STXBP6: variants seen among roughly 807,000 people sequenced by gnomAD.
STXBP6 encodes the protein syntaxin-binding protein 6.
STXBP6 carries 21 observed loss-of-function variants against 26.9 expected under a neutral mutation model. The observed-to-expected ratio is 0.78, with a 90% confidence interval of 0.55 to 1.12. The LOEUF (loss-of-function observed/expected upper bound fraction) is 1.12. Ranked by LOEUF, STXBP6 falls within the 50% of genes most tolerant of loss-of-function variation. The probability of loss-of-function intolerance (pLI) is 0.00; values close to 1 mark genes in which losing one functional copy is unlikely to be tolerated. For missense variants in STXBP6, 232 were observed against 257.9 expected (o/e 0.90, Z 0.69); for synonymous variants, 97 against 92.6 (o/e 1.05, Z -0.27).
chr14:24,900,559 T>C (rs2071174232), intron 2 of STXBP6, among the ~76,000 whole-genome samples: 1 of 151,848 alleles, frequency 6.6e-6, no homozygotes, highest in Non-Finnish European at 1.5e-5. Context: ...GGGAGAGAAA[T>C]GTTGGGAAAG....
intron 2 of STXBP6, among the ~76,000 whole-genome samples, chr14:24,881,132 T>C (rs927752884): frequency 4.6e-5 from 7 of 152,110 alleles, no homozygotes; most frequent in Non-Finnish European, 7.4e-5. Flanking sequence ...TTTTTTTTTT[T>C]CTACAAATCT....
intron 2 of STXBP6, among the ~76,000 whole-genome samples, chr14:24,928,367 C>G (rs538682140): frequency 1.3e-5 from 2 of 150,616 alleles, no homozygotes; most frequent in African/African-American, 2.5e-5. Context: ...AACCAAGCAT[C>G]CTTGGTTTGT....
chr14:24,943,993 G>T (rs56131804), intron 2 of STXBP6, among the ~76,000 whole-genome samples: 2 of 151,624 alleles, frequency 1.3e-5, no homozygotes, highest in Non-Finnish European at 2.9e-5. Flanking sequence ...CTCCCCAAAA[G>T]TTTTAAACAG....
At chr14:24,908,419 C>A (rs2071457353) in intron 2 of STXBP6, among the ~76,000 whole-genome samples, 1 of 152,134 alleles carries the variant, frequency 6.6e-6, no homozygotes, top group South Asian at 2.1e-4. Flanking sequence ...GTAAAACATA[C>A]CATGGCATGT....
chr14:24,925,869 G>C (rs939849182), intron 2 of STXBP6, among the ~76,000 whole-genome samples: 1 of 152,112 alleles, frequency 6.6e-6, no homozygotes, highest in Non-Finnish European at 1.5e-5. Context: ...CCAACTTTCT[G>C]ATGTGCTCGG....
chr14:25,028,996 G>A (rs1403215940), intron 1 of STXBP6, among the ~76,000 whole-genome samples: 2 of 152,192 alleles, frequency 1.3e-5, no homozygotes, highest in Non-Finnish European at 2.9e-5. Flanking sequence ...GATAAAACTT[G>A]AATGAATGAG....
At chr14:24,912,249 A>G (rs773802644) in intron 2 of STXBP6, among the ~76,000 whole-genome samples, 3 of 152,168 alleles carry the variant, frequency 2.0e-5, no homozygotes, top group Non-Finnish European at 4.4e-5. Context: ...CCTTTAAAGC[A>G]GCCTCTTCCT....
At chr14:24,936,363 T>C (rs2072598000) in intron 2 of STXBP6, among the ~76,000 whole-genome samples, 1 of 152,210 alleles carries the variant, frequency 6.6e-6, no homozygotes, top group Admixed American at 6.5e-5. Context: ...GCATGCTCTT[T>C]GGATGCTGAG....
At chr14:24,941,359 G>A (rs945535057) in intron 2 of STXBP6, among the ~76,000 whole-genome samples, 1 of 152,204 alleles carries the variant, frequency 6.6e-6, no homozygotes, top group Admixed American at 6.5e-5. Context: ...GCCTCATGCA[G>A]GCCTCTGTGA....
chr14:24,941,936 G>A (rs1441297681), intron 2 of STXBP6, among the ~76,000 whole-genome samples: 2 of 152,242 alleles, frequency 1.3e-5, no homozygotes, highest in African/African-American at 4.8e-5. Flanking sequence ...AATGCCAACA[G>A]GCTGCCAGGT....
chr14:24,952,970 C>G (rs985368652), intron 2 of STXBP6, among the ~76,000 whole-genome samples: 12 of 152,162 alleles, frequency 7.9e-5, no homozygotes, highest in African/African-American at 2.9e-4. Context: ...GCTCACATTT[C>G]TATTGTGTTT....
intron 2 of STXBP6, among the ~76,000 whole-genome samples, chr14:24,924,837 G>A (rs2072106066): frequency 6.6e-6 from 1 of 152,182 alleles, no homozygotes; most frequent in Admixed American, 6.5e-5. Context: ...TCACTTACAG[G>A]AAAGGACAAT....
chr14:25,027,345 T>C (rs1014327441), intron 1 of STXBP6, among the ~76,000 whole-genome samples: 7 of 152,216 alleles, frequency 4.6e-5, no homozygotes, highest in Non-Finnish European at 7.3e-5. Flanking sequence ...TATTATATGC[T>C]ACAGTAATCT....
intron 2 of STXBP6, among the ~76,000 whole-genome samples, chr14:24,861,297 A>G (rs1389743444): frequency 6.6e-6 from 1 of 152,124 alleles, no homozygotes; most frequent in Non-Finnish European, 1.5e-5. Flanking sequence ...AAAATAAATA[A>G]GCTGGAGGTA....
At position 25,038,490 on chromosome 14, in the gene STXBP6, T is replaced by G. The variant is rs139625043; in HGVS notation, c.-33+11388A>C. Among the ~76,000 whole-genome samples, 3 of 152,324 alleles carry G rather than the reference T, an allele frequency of 2.0e-5. No homozygotes were observed. In the East Asian group the frequency reaches 5.8e-4, roughly 29 times the overall value. ...AAACATCTGCCATCAGCAATTTATGTTCACACAAAGGAATACTATCCAATA... is the reference window on the plus strand; with the variant it reads ...AAACATCTGCCATCAGCAATTTATGGTCACACAAAGGAATACTATCCAATA... On this transcript the variant is annotated intron_variant, in intron 1 of 5. Coordinates refer to ENST00000323944, the MANE Select transcript of STXBP6 (RefSeq NM_001394410.1).
At chr14:24,871,312 G>A (rs1260400548) in intron 2 of STXBP6, among the ~76,000 whole-genome samples, 1 of 152,148 alleles carries the variant, frequency 6.6e-6, no homozygotes, top group East Asian at 1.9e-4. Flanking sequence ...CATCAATAGA[G>A]CATATCCACT....
At chr14:24,917,613 A>G (rs1360464333) in intron 2 of STXBP6, among the ~76,000 whole-genome samples, 2 of 152,142 alleles carry the variant, frequency 1.3e-5, no homozygotes, top group African/African-American at 4.8e-5. Flanking sequence ...ACCTGAATAA[A>G]TTATAGACAT....
chr14:24,994,137 C>T (rs142747592), intron 1 of STXBP6, among the ~76,000 whole-genome samples: 1 of 152,274 alleles, frequency 6.6e-6, no homozygotes, highest in East Asian at 1.9e-4. Flanking sequence ...CTGACTGGAC[C>T]CTGACTCATG....
chr14:25,022,617 T>C (rs1186135989), intron 1 of STXBP6, among the ~76,000 whole-genome samples: 1 of 152,202 alleles, frequency 6.6e-6, no homozygotes, highest in African/African-American at 2.4e-5. Flanking sequence ...ACCATAAACA[T>C]ATGCTACAGC....
Sources: gnomAD v4.1 joint callset for allele counts (sites outside exome capture counted in the v4.1 genomes callset) on GRCh38, gnomAD v4.1.1 for gene constraint, MANE v1.5 for transcripts, NCBI Gene and HGNC (gene_info 2026-07-23, HGNC 2026-07-21) for gene names.